Variants in STPG2 observed in about 807,000 individuals in gnomAD.
The protein encoded by STPG2 is sperm tail PG-rich repeat containing 2.
STPG2 carries 56 observed loss-of-function variants against 54.2 expected under a neutral mutation model. The observed-to-expected ratio is 1.03, with a 90% CI of 0.83 to 1.29. STPG2 has a LOEUF of 1.29. STPG2 is among the 50% of genes most tolerant of loss of function. The probability of loss-of-function intolerance (pLI) is 0.00; values close to 1 mark genes in which losing one functional copy is unlikely to be tolerated. For missense variants in STPG2, 596 were observed against 544.9 expected (o/e 1.09, Z -0.93); for synonymous variants, 200 against 181.8 (o/e 1.10, Z -0.81).
intron 4 of STPG2, among the ~76,000 whole-genome samples, chr4:97,532,333 AAT>A (rs1731433029): frequency 6.6e-6 from 1 of 152,134 alleles, no homozygotes; most frequent in South Asian, 2.1e-4. Flanking sequence ...AAGAATTTGA[AAT>A]ATGTTATTTC....
intron 10 of STPG2, among the ~76,000 whole-genome samples, chr4:97,639,410 G>T (rs542160695): frequency 6.6e-6 from 1 of 151,816 alleles, no homozygotes; most frequent in South Asian, 2.1e-4. Flanking sequence ...CGAGTTAGTG[G>T]GTGCAGCACA....
chr4:97,798,586 A>T (rs1458921926), intron 9 of STPG2, among the ~76,000 whole-genome samples: 1 of 148,642 alleles, frequency 6.7e-6, no homozygotes, highest in Non-Finnish European at 1.5e-5. Context: ...ATTTGCTGAG[A>T]AGTGCTTTAC....
At chr4:97,647,578 C>T (rs1721945944) in intron 10 of STPG2, among the ~76,000 whole-genome samples, 1 of 152,078 alleles carries the variant, frequency 6.6e-6, no homozygotes, top group Non-Finnish European at 1.5e-5. Flanking sequence ...TTCCAGTTTG[C>T]TCCATTCTCT....
chr4:97,985,313 AAGGAAGAGC>A lies in STPG2; in HGVS notation c.613-4004_613-3996del, dbSNP rs1437433260. Among the ~76,000 whole-genome samples, 21 of 152,292 alleles carry A rather than the reference AAGGAAGAGC, an allele frequency of 1.4e-4. No individual in the cohort carries two copies. The South Asian group carries it at 4.1e-3, about 30-fold the overall frequency. On this transcript the variant is annotated intron_variant, in intron 5 of 10. Transcript: ENST00000295268. ...CTGAACCAACTGAATCAATTTCTGGAAGGAAGAGCAAAGGGCATGTTGGCACTTGGGTAT... is the reference window on the plus strand; with the variant it reads ...CTGAACCAACTGAATCAATTTCTGGAAAAGGGCATGTTGGCACTTGGGTAT...
chr4:97,552,454 C>T (rs756364830), intron 4 of STPG2, among the ~76,000 whole-genome samples: 34 of 152,144 alleles, frequency 2.2e-4, no homozygotes, highest in Admixed American at 1.2e-3. Flanking sequence ...TCTGTCCCTT[C>T]TTTGCCATGT....
chr4:97,679,647 A>C (rs942252008), intron 10 of STPG2, among the ~76,000 whole-genome samples: 4 of 152,002 alleles, frequency 2.6e-5, no homozygotes, highest in Non-Finnish European at 4.4e-5. Flanking sequence ...CCCATTTGTC[A>C]ATTTTGGCTT....
At chr4:98,089,712 CTT>C (rs34882013) in intron 5 of STPG2, among the ~76,000 whole-genome samples, 70 of 146,286 alleles carry the variant, frequency 4.8e-4, no homozygotes, top group Admixed American at 1.0e-3. Context: ...ATGCCAACAT[CTT>C]TTTTTTTTTT....
At chr4:98,140,284 C>T (rs1740245028) in intron 1 of STPG2, among the ~76,000 whole-genome samples, 1 of 151,844 alleles carries the variant, frequency 6.6e-6, no homozygotes, top group Non-Finnish European at 1.5e-5. Flanking sequence ...GAGGTCAGGG[C>T]CCAGAACATG....
At chr4:97,859,069 T>G (rs1318018697) in intron 8 of STPG2, among the ~76,000 whole-genome samples, 1 of 152,208 alleles carries the variant, frequency 6.6e-6, no homozygotes, top group South Asian at 2.1e-4. Flanking sequence ...ACTTTTAAAT[T>G]TTTAAATTAT....
At chr4:97,877,262 C>T (rs1317818205) in intron 8 of STPG2, among the ~76,000 whole-genome samples, 1 of 152,134 alleles carries the variant, frequency 6.6e-6, no homozygotes, top group African/African-American at 2.4e-5. Flanking sequence ...CACCTCTTTA[C>T]TCATTTCTAT....
chr4:97,961,121 C>T (rs548819295), intron 7 of STPG2, among the ~76,000 whole-genome samples: 11 of 149,166 alleles, frequency 7.4e-5, no homozygotes, highest in African/African-American at 2.5e-4. Flanking sequence ...ATTCAACAAA[C>T]GTGCTGGGAA....
chr4:97,677,792 T>C (rs78292814), intron 10 of STPG2, among the ~76,000 whole-genome samples: 1,857 of 152,252 alleles, frequency 0.012, 35 homozygotes, highest in African/African-American at 0.043. Flanking sequence ...GCTGGTGACT[T>C]CATGGAGCCT....
At chr4:97,943,681 T>G (rs1295958190) in intron 8 of STPG2, among the ~76,000 whole-genome samples, 1 of 152,186 alleles carries the variant, frequency 6.6e-6, no homozygotes, top group Non-Finnish European at 1.5e-5. Flanking sequence ...CTACAAGGGA[T>G]GTTGCATGTA....
chr4:97,456,111 C>T lies in STPG2; in HGVS notation c.462+256588G>A, dbSNP rs562297273. ...AAAATAAGAAGACTAGCTACAGACT[C>T]CAAGAAAACATTTGTAAAAGACATA... On this transcript the variant is annotated intron_variant, in intron 4 of 4. Transcript: ENST00000522676. Among the ~76,000 whole-genome samples the T allele has an allele frequency of 7.9e-4, 120 of 152,272 alleles. 1 individual carries two copies. The highest frequency in any genetic ancestry group is 1.6e-3 in the Non-Finnish European group (106 of 68,010).
At chr4:97,532,719 G>C (rs1197258164) in intron 4 of STPG2, among the ~76,000 whole-genome samples, 1 of 152,134 alleles carries the variant, frequency 6.6e-6, no homozygotes, top group Non-Finnish European at 1.5e-5. Flanking sequence ...AGATATGATT[G>C]ATATAGATAG....
intron 10 of STPG2, among the ~76,000 whole-genome samples, chr4:97,582,536 GATT>G (rs1732888137): frequency 6.6e-6 from 1 of 151,850 alleles, no homozygotes; most frequent in Non-Finnish European, 1.5e-5. Flanking sequence ...TTATCTTTCT[GATT>G]ATGTTTTTGT....
chr4:97,698,996 T>C (rs1723678122), intron 10 of STPG2, among the ~76,000 whole-genome samples: 1 of 152,192 alleles, frequency 6.6e-6, no homozygotes, highest in Non-Finnish European at 1.5e-5. Context: ...AAGCATTGCA[T>C]ACAGGATAGG....
At chr4:97,779,009 C>A (rs1313972246) in intron 9 of STPG2, among the ~76,000 whole-genome samples, 6 of 152,180 alleles carry the variant, frequency 3.9e-5, no homozygotes, top group Non-Finnish European at 1.5e-5. Context: ...GCCGAAAATT[C>A]TAAAAATCAG....
At chr4:98,047,484 G>T (rs36028444) in intron 5 of STPG2, among the ~76,000 whole-genome samples, 59,931 of 151,964 alleles carry the variant, frequency 0.39, 12,051 homozygotes, top group Middle Eastern at 0.46. Flanking sequence ...AGGAGTTTCT[G>T]CCTATTCACT....
Sources: gnomAD v4.1 joint callset for allele counts (sites outside exome capture counted in the v4.1 genomes callset) on GRCh38, gnomAD v4.1.1 for gene constraint, MANE v1.5 for transcripts, NCBI Gene and HGNC (gene_info 2026-07-23, HGNC 2026-07-21) for gene names.